Variants in PPP1CC observed in about 807,000 individuals in gnomAD.
The protein encoded by PPP1CC is serine/threonine-protein phosphatase PP1-gamma catalytic subunit.
Under a neutral mutation model 38.4 loss-of-function variants are expected in PPP1CC, and 16 were observed. That is an observed-to-expected ratio of 0.42 (90% CI 0.28 to 0.63). The LOEUF (loss-of-function observed/expected upper bound fraction) is 0.63. Among genes scored for constraint, PPP1CC ranks in the 30% least tolerant of loss-of-function variants. The pLI, the probability that PPP1CC is intolerant of heterozygous loss-of-function variation, is 0.25. For synonymous variants in PPP1CC, 158 were observed against 136.0 expected, an observed-to-expected ratio of 1.16 and a Z score of -1.13; for missense variants, 170 against 391.3, an observed-to-expected ratio of 0.43 and a Z score of 4.77.
chr12:110,739,401 C>CT (rs1401566981), intron 1 of PPP1CC, among the ~76,000 whole-genome samples: 1 of 151,936 alleles, frequency 6.6e-6, no homozygotes, highest in African/African-American at 2.4e-5. Context: ...AAACCTTCCC[C>CT]TTTTTAAACC....
the PPP1CC span, among the ~76,000 whole-genome samples, chr12:110,711,832 G>A: frequency 6.6e-6 from 1 of 152,110 alleles, no homozygotes; most frequent in Non-Finnish European, 1.5e-5. Flanking sequence ...GGCCGAGGCA[G>A]GAGAATTGCT....
At chr12:110,725,445 A>G (rs978462591) in intron 3 of PPP1CC, 11 of 152,312 alleles carry the variant, frequency 7.2e-5, no homozygotes, top group African/African-American at 2.7e-4. Context: ...AGGCACAATG[A>G]TCACACGGCA....
At chr12:110,724,794 A>G (rs1441203783) in intron 3 of PPP1CC, 30 bp from the exon 4 acceptor site, 5 of 1,347,638 alleles carry the variant, frequency 3.7e-6, no homozygotes, top group Non-Finnish European at 5.3e-6. Context: ...ATTACATTAA[A>G]AAGAGAGTAT....
chr12:110,710,370 C>G, the PPP1CC span, among the ~76,000 whole-genome samples: 2 of 148,230 alleles, frequency 1.3e-5, no homozygotes, highest in Admixed American at 1.3e-4. Flanking sequence ...TGGTGAAACC[C>G]TGTCGCTATT....
chr12:110,727,612 T>TAAAAAA (rs60861001), intron 3 of PPP1CC, among the ~76,000 whole-genome samples: 1 of 133,406 alleles, frequency 7.5e-6, no homozygotes. Flanking sequence ...TTTACAAAGT[T>TAAAAAA]AAAAAAAAAA....
In PPP1CC at chr12:110,740,678, A is replaced by C. The variant is rs552920679; in HGVS notation, c.55+1975T>G. 2.0e-5 allele frequency among the ~76,000 whole-genome samples: 3 copies of C among 152,364 alleles called. No homozygotes were observed. In the South Asian group the frequency reaches 6.2e-4, roughly 32 times the overall value. On this transcript the variant is annotated intron_variant, in intron 1 of 6. Coordinates refer to ENST00000335007, the MANE Select transcript of PPP1CC (RefSeq NM_002710.4). ...AGAAAACCTGGTTTTCAAGTGCCAC[A>C]TAACAAGAGGAACTATTAAGAAACA... is the stretch of plus-strand genomic sequence containing the variant.
chr12:110,711,240 A>C, the PPP1CC span, among the ~76,000 whole-genome samples: 3 of 151,994 alleles, frequency 2.0e-5, no homozygotes, highest in African/African-American at 7.2e-5. Context: ...AAATACATAT[A>C]TTTCTCTTTC....
chr12:110,716,356 CTTT>C (rs11065705), downstream of PPP1CC, among the ~76,000 whole-genome samples: 2 of 145,312 alleles, frequency 1.4e-5, no homozygotes, highest in African/African-American at 2.5e-5. Context: ...TTAGTTTTAA[CTTT>C]TTTTTTTTTT....
chr12:110,742,819 A>C lies in PPP1CC; in HGVS notation c.-112T>G. 1.1e-6 allele frequency: 1 copy of C among 887,274 alleles called. No homozygotes were observed. The highest frequency in any genetic ancestry group is 1.5e-6 in the Non-Finnish European group (1 of 654,754). 55.0% of individuals were successfully genotyped at this position (887,274 alleles called of 1,614,324 possible). A position where few individuals can be genotyped will look rare whatever the true frequency, so the allele number is the denominator to read the frequency against. On this transcript the variant is annotated 5_prime_UTR_variant, in exon 1 of 7. Transcript: ENST00000335007. ...AGGCGGTGGTGGCGGCGGTGGCAGC[A>C]GCCGCGGCGGGTCCCCCCCCTGCCA...
intron 1 of PPP1CC, among the ~76,000 whole-genome samples, chr12:110,737,477 CAAAAAAAAAA>C (rs71083137): frequency 1.6e-4 from 7 of 42,488 alleles, no homozygotes; most frequent in African/African-American, 5.2e-4. Context: ...AAGAAAGACT[CAAAAAAAAAA>C]AAAAAAAAAA....
intron 1 of PPP1CC, among the ~76,000 whole-genome samples, chr12:110,738,723 A>G (rs749748735): frequency 6.6e-6 from 1 of 152,196 alleles, no homozygotes; most frequent in Non-Finnish European, 1.5e-5. Context: ...CGCAAGCACA[A>G]CGTCACACAC....
chr12:110,712,027 A>G, the PPP1CC span, among the ~76,000 whole-genome samples: 1 of 152,160 alleles, frequency 6.6e-6, no homozygotes, highest in Admixed American at 6.5e-5. Flanking sequence ...TGGTGGTCCC[A>G]TAAGACTATA....
chr12:110,723,552 TAGGCTG>T (rs1272299857), intron 4 of PPP1CC, among the ~76,000 whole-genome samples: 2 of 152,184 alleles, frequency 1.3e-5, no homozygotes, highest in Non-Finnish European at 2.9e-5. Flanking sequence ...CTCTGTTGCC[TAGGCTG>T]GAGTGCAGTG....
chr12:110,742,401 G>C (rs1207912796), intron 1 of PPP1CC, among the ~76,000 whole-genome samples: 1 of 152,144 alleles, frequency 6.6e-6, no homozygotes, highest in Non-Finnish European at 1.5e-5. Flanking sequence ...CAAATTCCAC[G>C]GCCGGGAGGA....
chr12:110,742,076 G>A (rs903752425), intron 1 of PPP1CC, among the ~76,000 whole-genome samples: 1 of 152,160 alleles, frequency 6.6e-6, no homozygotes, highest in Non-Finnish European at 1.5e-5. Context: ...GAGGGCAGGC[G>A]AAGACAGGTT....
At chr12:110,742,325 G>A (rs1413075999) in intron 1 of PPP1CC, among the ~76,000 whole-genome samples, 1 of 152,216 alleles carries the variant, frequency 6.6e-6, no homozygotes, top group Non-Finnish European at 1.5e-5. Flanking sequence ...TCGCTCCAAA[G>A]ACCCGTCCAG....
intron 3 of PPP1CC, among the ~76,000 whole-genome samples, chr12:110,727,499 T>C (rs939351657): frequency 2.0e-5 from 3 of 151,986 alleles, no homozygotes; most frequent in East Asian, 1.9e-4. Context: ...TAACCTGTAA[T>C]GCGGTTTCGC....
In PPP1CC at chr12:110,742,849, G is replaced by A. The variant is rs1205845235; in HGVS notation, c.-142C>T. 5.9e-6 allele frequency: 3 copies of A among 507,636 alleles called. No homozygotes were observed. The highest frequency in any genetic ancestry group is 9.6e-6 in the Non-Finnish European group (3 of 312,044). The allele number at this position is 507,636 out of a possible 1,614,324, so 31.4% of individuals were successfully genotyped here. On this transcript the variant is annotated 5_prime_UTR_variant, in exon 1 of 7. Transcript: ENST00000335007. ...CGGCGGGTCCCCCCCCTGCCACCCC[G>A]CTCCCTACTTCCTCCTTCTCTCCCC...
rs986323648 is a variant in PPP1CC, at chr12:110,719,964, G to A, written c.*1112C>T. On this transcript the variant is annotated 3_prime_UTR_variant, in exon 7 of 7. Transcript: ENST00000335007. ...ATTTTCACCACACGGTATTGTACACGGTCATCTGTTGAAACAGATTTCTTT... is the reference window on the plus strand; with the variant it reads ...ATTTTCACCACACGGTATTGTACACAGTCATCTGTTGAAACAGATTTCTTT... 2.7e-5 allele frequency: 16 copies of A among 598,710 alleles called. No individual in the cohort carries two copies. The highest frequency in any genetic ancestry group is 1.3e-4 in the African/African-American group (7 of 53,530). 37.1% of individuals were successfully genotyped at this position (598,710 alleles called of 1,614,324 possible). A position where few individuals can be genotyped will look rare whatever the true frequency, so the allele number is the denominator to read the frequency against.
Sources: allele counts gnomAD v4.1 joint callset (sites outside exome capture counted in the v4.1 genomes callset), GRCh38; gene constraint gnomAD v4.1.1; transcripts MANE v1.5; gene names NCBI Gene and HGNC (gene_info 2026-07-23, HGNC 2026-07-21).